The following ATP6V1H variants were observed in gnomAD, a reference collection of about 807,000 sequenced individuals.
ATP6V1H encodes the protein V-type proton ATPase subunit H.
In ATP6V1H, 39 loss-of-function variants were observed where a neutral mutation model predicts 71.7. The ratio of observed to expected loss-of-function variants is 0.54; its 90% CI spans 0.42 to 0.71. ATP6V1H has a LOEUF of 0.71. ATP6V1H is among the 30% of genes least tolerant of loss of function. The pLI is 0.00. For missense variants in ATP6V1H, 509 were observed against 594.9 expected (o/e 0.86, Z 1.50); for synonymous variants, 192 against 199.3 (o/e 0.96, Z 0.31).
Position 53,743,567 on chromosome 8 carries a change from C to T in ATP6V1H, c.1391+10G>A, listed in dbSNP as rs763765910. Reference sequence around the variant, plus strand: ...TAATGTACAAGTGTGAGCAAAAAGCCGTGGCATACCAGTTGTGCACCATGA... The same window carrying T: ...TAATGTACAAGTGTGAGCAAAAAGCTGTGGCATACCAGTTGTGCACCATGA... On this transcript the variant is annotated intron_variant, in intron 13 of 13. Coordinates refer to ENST00000359530, the MANE Select transcript of ATP6V1H (RefSeq NM_015941.4). 2.2e-5 allele frequency: 36 copies of T among 1,607,040 alleles called. 1 individual carries two copies. The South Asian group carries it at 3.4e-4, about 15-fold the overall frequency.
intron 13 of ATP6V1H, among the ~76,000 whole-genome samples, chr8:53,729,360 A>G (rs1029786748): frequency 1.3e-5 from 2 of 152,208 alleles, no homozygotes; most frequent in African/African-American, 4.8e-5. Flanking sequence ...CCCACACCCA[A>G]GAGGCTATAT....
chr8:53,718,317 C>A (rs1473854859), intron 13 of ATP6V1H, among the ~76,000 whole-genome samples: 1 of 152,124 alleles, frequency 6.6e-6, no homozygotes, highest in Non-Finnish European at 1.5e-5. Context: ...TCCACCCTAC[C>A]ATCTTCCATT....
At chr8:53,742,437 T>G (rs1272053173) in intron 13 of ATP6V1H, among the ~76,000 whole-genome samples, 2 of 152,150 alleles carry the variant, frequency 1.3e-5, no homozygotes, top group Non-Finnish European at 1.5e-5. Context: ...ACTCCAGTAA[T>G]AGAGCTGTAT....
chr8:53,718,504 C>A (rs1806504001), intron 13 of ATP6V1H, among the ~76,000 whole-genome samples: 1 of 151,874 alleles, frequency 6.6e-6, no homozygotes, highest in Admixed American at 6.6e-5. Flanking sequence ...ATCCTCCCAC[C>A]CCAGCCTCTT....
At chr8:53,784,314 T>A (rs554147426) in intron 9 of ATP6V1H, among the ~76,000 whole-genome samples, 1 of 152,356 alleles carries the variant, frequency 6.6e-6, no homozygotes, top group East Asian at 1.9e-4. Flanking sequence ...TCTCTTTTGA[T>A]CTTTGTTGGT....
Position 53,811,180 on chromosome 8 carries a change from G to A in ATP6V1H, c.563C>T (p.Thr188Ile). 6.2e-7 allele frequency: 1 copy of A among 1,613,222 alleles called. No individual in the cohort carries two copies. The change falls in exon 7 of 14, where the codon ACA (threonine) becomes ATA (isoleucine). Residue 188 changes from threonine to isoleucine, a missense_variant. By Grantham distance (89) the Thr-to-Ile change is moderately conservative (BLOSUM62 -1). Coordinates refer to ENST00000359530, the MANE Select transcript of ATP6V1H (RefSeq NM_015941.4). ...TATACTTACATCACTTGAAGAGACT[G>A]TTCCTGTTTCAACAGCAACACCGCT... The part of the protein sequence containing the change: ...RGSGVAVETG[T>I]VSSSDSSQYV...
chr8:53,742,938 A>T (rs1807467598), intron 13 of ATP6V1H, among the ~76,000 whole-genome samples: 1 of 152,202 alleles, frequency 6.6e-6, no homozygotes, highest in South Asian at 2.1e-4. Flanking sequence ...CACCCAACCT[A>T]CAGCTAAAAG....
At chr8:53,733,932 G>A (rs1263308795) in intron 13 of ATP6V1H, among the ~76,000 whole-genome samples, 2 of 152,166 alleles carry the variant, frequency 1.3e-5, no homozygotes, top group Non-Finnish European at 2.9e-5. Context: ...CCAGACTGTG[G>A]GACCCTGGCC....
At chr8:53,747,735 G>T (rs1261377942) in intron 12 of ATP6V1H, among the ~76,000 whole-genome samples, 1 of 151,762 alleles carries the variant, frequency 6.6e-6, no homozygotes, top group African/African-American at 2.4e-5. Context: ...TAGAGACAGG[G>T]TTCCACCATA....
chr8:53,719,502 T>G (rs1282237839), intron 13 of ATP6V1H, among the ~76,000 whole-genome samples: 1 of 152,164 alleles, frequency 6.6e-6, no homozygotes, highest in East Asian at 1.9e-4. Flanking sequence ...CGAATGACAT[T>G]ATGTAGTCAA....
At chr8:53,817,720 A>G (rs1810498417) in intron 4 of ATP6V1H, among the ~76,000 whole-genome samples, 190 bp from the exon 5 acceptor site, 1 of 152,086 alleles carries the variant, frequency 6.6e-6, no homozygotes. Flanking sequence ...ATTTTACTAA[A>G]AAAATCACCT....
At chr8:53,825,990 T>C (rs1265353342) in intron 4 of ATP6V1H, among the ~76,000 whole-genome samples, 1 of 152,138 alleles carries the variant, frequency 6.6e-6, no homozygotes, top group African/African-American at 2.4e-5. Flanking sequence ...GAGAAAATAT[T>C]TGCACTTTGT....
chr8:53,818,263 AATTT>A (rs1032852211), intron 4 of ATP6V1H, among the ~76,000 whole-genome samples: 2 of 151,548 alleles, frequency 1.3e-5, no homozygotes, highest in African/African-American at 4.9e-5. Flanking sequence ...AACTTTTATT[AATTT>A]ATTTATTTAT....
intron 4 of ATP6V1H, among the ~76,000 whole-genome samples, chr8:53,824,444 A>G (rs2130504433): frequency 6.6e-6 from 1 of 152,322 alleles, no homozygotes; most frequent in East Asian, 1.9e-4. Context: ...TAAACCAATT[A>G]CACATATGAA....
chr8:53,779,795 C>T (rs1219761966), intron 9 of ATP6V1H, among the ~76,000 whole-genome samples: 1 of 152,036 alleles, frequency 6.6e-6, no homozygotes, highest in Admixed American at 6.6e-5. Flanking sequence ...CATATCAAAG[C>T]TCTTTTGTTT....
At chr8:53,816,526 A>G (rs577159264) in intron 5 of ATP6V1H, among the ~76,000 whole-genome samples, 3 of 152,256 alleles carry the variant, frequency 2.0e-5, no homozygotes, top group South Asian at 2.1e-4. Flanking sequence ...GGCCGGGTGC[A>G]GTGCCTCACA....
intron 10 of ATP6V1H, among the ~76,000 whole-genome samples, chr8:53,770,459 T>C (rs1300758022): frequency 6.6e-6 from 1 of 152,128 alleles, no homozygotes; most frequent in African/African-American, 2.4e-5. Flanking sequence ...GAAGTAAAAA[T>C]TTATAAAAGA....
chr8:53,797,365 A>G (rs1249153130), intron 8 of ATP6V1H, among the ~76,000 whole-genome samples: 1 of 152,192 alleles, frequency 6.6e-6, no homozygotes, highest in Non-Finnish European at 1.5e-5. Context: ...CAGCAGCCAA[A>G]TTCAGTTTGC....
At chr8:53,746,111 G>A (rs759109535) in intron 12 of ATP6V1H, among the ~76,000 whole-genome samples, 3 of 152,134 alleles carry the variant, frequency 2.0e-5, no homozygotes, top group Non-Finnish European at 4.4e-5. Flanking sequence ...TGGGCACTGT[G>A]CTAAATGTTC....
Sources: allele counts gnomAD v4.1 joint callset (sites outside exome capture counted in the v4.1 genomes callset), GRCh38; gene constraint gnomAD v4.1.1; transcripts MANE v1.5; gene names NCBI Gene and HGNC (gene_info 2026-07-23, HGNC 2026-07-21).